The following STX10 variants were observed in gnomAD, a reference collection of about 807,000 sequenced individuals.
STX10 encodes the protein syntaxin-10.
Under a neutral mutation model 34.1 loss-of-function variants are expected in STX10, and 35 were observed. The ratio of observed to expected loss-of-function variants is 1.03; its 90% CI spans 0.78 to 1.36. The LOEUF is 1.36. Among genes scored for constraint, STX10 ranks in the 40% most tolerant of loss-of-function variants. STX10 has a pLI of 0.00. For missense variants in STX10, 361 were observed against 335.5 expected (o/e 1.08, Z -0.59); for synonymous variants, 155 against 132.9 (o/e 1.17, Z -1.15).
chr19:13,146,369 G>A (rs1388817774), intron 4 of STX10, among the ~76,000 whole-genome samples: 1 of 152,064 alleles, frequency 6.6e-6, no homozygotes, highest in Non-Finnish European at 1.5e-5. Context: ...ATTTTAGCTG[G>A]GATTACAGGC....
chr19:13,147,850 C>T (rs1472656200), intron 4 of STX10, among the ~76,000 whole-genome samples: 7 of 140,864 alleles, frequency 5.0e-5, no homozygotes, highest in African/African-American at 8.0e-5. Context: ...GCCGAGATCA[C>T]GTCACTGCAC....
intron 4 of STX10, among the ~76,000 whole-genome samples, chr19:13,148,291 G>T (rs2019953400): frequency 6.6e-6 from 1 of 151,662 alleles, no homozygotes; most frequent in Non-Finnish European, 1.5e-5. Flanking sequence ...ATCACCTGAG[G>T]TTGGGAGTTC....
chr19:13,146,569 C>T (rs1367087893), intron 4 of STX10, among the ~76,000 whole-genome samples: 1 of 151,876 alleles, frequency 6.6e-6, no homozygotes, highest in East Asian at 1.9e-4. Flanking sequence ...GAGACAGAGT[C>T]TTGCTCTGTC....
intron 5 of STX10, 68 bp downstream of exon 5, chr19:13,145,220 G>C: frequency 7.0e-7 from 1 of 1,433,456 alleles, no homozygotes; most frequent in Non-Finnish European, 9.6e-7. Flanking sequence ...CAACAAAAAG[G>C]GACCCCAGAC....
Position 13,144,495 on chromosome 19 carries a change from G to A in STX10, c.674-9C>T, listed in dbSNP as rs773460447. The A allele has an allele frequency of 8.7e-6, 14 of 1,613,576 alleles. No individual in the cohort carries two copies. The South Asian group carries it at 1.4e-4, about 16-fold the overall frequency. On this transcript the variant is annotated splice_polypyrimidine_tract_variant and intron_variant, in intron 7 of 7. Transcript: ENST00000587230. ...ACACCACTGTCGGCGGTCTGGGAAC[G>A]AGAAGGTCAGGGGTCACGGGGAGAG...
chr19:13,146,020 T>C (rs1291795055), intron 4 of STX10, among the ~76,000 whole-genome samples: 2 of 127,478 alleles, frequency 1.6e-5, no homozygotes, highest in African/African-American at 6.0e-5. Context: ...GTTAAGACCT[T>C]CTCTCAAAAA....
chr19:13,147,646 C>A (rs936372442), intron 4 of STX10, among the ~76,000 whole-genome samples: 2 of 151,364 alleles, frequency 1.3e-5, no homozygotes, highest in Non-Finnish European at 2.9e-5. Context: ...CACCTGTAAT[C>A]CCAGCACTTT....
At chr19:13,146,836 C>T (rs761249644) in intron 4 of STX10, among the ~76,000 whole-genome samples, 6 of 152,030 alleles carry the variant, frequency 3.9e-5, no homozygotes, top group Non-Finnish European at 7.4e-5. Context: ...CCACCGTGCC[C>T]GGCTCCAACA....
At chr19:13,146,437 G>A (rs1226368143) in intron 4 of STX10, among the ~76,000 whole-genome samples, 1 of 152,158 alleles carries the variant, frequency 6.6e-6, no homozygotes, top group African/African-American at 2.4e-5. Context: ...GTTTCCCCAT[G>A]TTGGCCAGGC....
At chr19:13,149,640 G>C (rs755928348) in intron 2 of STX10, 47 bp from the exon 3 acceptor site, 4 of 1,611,750 alleles carry the variant, frequency 2.5e-6, no homozygotes, top group Non-Finnish European at 3.4e-6. Flanking sequence ...TATCATCCCC[G>C]TCCCTAGGGG....
chr19:13,145,335 C>G lies in STX10; in HGVS notation c.424G>C (p.Val142Leu). The part of the protein sequence containing the change: ...SPSDLLDASA[V>L]SATSRYIEEQ... ...TCGATGTAGCGAGATGTGGCCGAGA[C>G]TGCGCTGGCATCCAGCAGGTCGCTG... Residue 142 changes from valine to leucine, a missense_variant, in exon 5 of 8, where the codon GTC (valine) becomes CTC (leucine). Val to Leu is a conservative substitution (Grantham distance 32). Transcript: ENST00000587230. The G allele has an allele frequency of 3.7e-6, 6 of 1,612,026 alleles. No homozygotes were observed. Among genetic ancestry groups the G allele is most frequent in the African/African-American group, 1.3e-5 (1 of 75,066 alleles).
rs766500249 is a variant in STX10 at position 13,144,884 on chromosome 19, G to T, written c.472-14C>A. On this transcript the variant is annotated splice_polypyrimidine_tract_variant and intron_variant, in intron 5 of 7. Transcript: ENST00000587230. ...ATCCATGATCAGCTGCAGAGCGAAG[G>T]GGTGGGAGATGCTGTTGAAAACGAC... The T allele has an allele frequency of 3.7e-6, 6 of 1,607,052 alleles. No individual in the cohort carries two copies. The highest frequency in any genetic ancestry group is 1.1e-5 in the South Asian group (1 of 89,890).
chr19:13,147,893 C>CAAAA (rs1159793123), intron 4 of STX10, among the ~76,000 whole-genome samples: 20 of 54,584 alleles, frequency 3.7e-4, no homozygotes, highest in Middle Eastern at 0.02. Flanking sequence ...CACTCCGTCT[C>CAAAA]AAAAAAAAAA....
At chr19:13,147,641 G>A (rs1248446345) in intron 4 of STX10, among the ~76,000 whole-genome samples, 1 of 151,956 alleles carries the variant, frequency 6.6e-6, no homozygotes, top group Non-Finnish European at 1.5e-5. Flanking sequence ...GCTCACACCT[G>A]TAATCCCAGC....
chr19:13,145,476 G>T (rs2019877646), intron 4 of STX10, 81 bp from the exon 5 acceptor site: 3 of 1,203,296 alleles, frequency 2.5e-6, no homozygotes, highest in Non-Finnish European at 3.6e-6. Context: ...ACGGTGGTAA[G>T]TCAGGGGGGC....
At chr19:13,147,456 C>A (rs1026581101) in intron 4 of STX10, among the ~76,000 whole-genome samples, 2 of 151,218 alleles carry the variant, frequency 1.3e-5, no homozygotes, top group Non-Finnish European at 2.9e-5. Flanking sequence ...CATGCCAAGA[C>A]TCCATCTCAA....
At chr19:13,146,206 A>T (rs925023004) in intron 4 of STX10, among the ~76,000 whole-genome samples, 4 of 151,630 alleles carry the variant, frequency 2.6e-5, no homozygotes, top group South Asian at 2.1e-4. Flanking sequence ...AAAAAAAAAA[A>T]AAATAAAATA....
rs764882321 is a variant in STX10 at position 13,149,895 on chromosome 19, T to C, written c.38A>G (p.Glu13Gly). 1.3e-5 allele frequency: 20 copies of C among 1,586,786 alleles called. No homozygotes were observed. The South Asian group carries it at 2.0e-4, about 16-fold the overall frequency. ...GGCCGTGTTCACCGCCTTCTGCACCTCGCTGCGGGCAGGGGCACGGCGGGC... is the reference window on the plus strand; with the variant it reads ...GGCCGTGTTCACCGCCTTCTGCACCCCGCTGCGGGCAGGGGCACGGCGGGC... ...LEDPFFVVRG[E>G]VQKAVNTARG... is the part of the protein sequence containing the mutation. The change falls in exon 2 of 8, where the codon GAG (glutamate) becomes GGG (glycine). Residue 13 changes from glutamate to glycine, a missense_variant and splice_region_variant. By Grantham distance (98) the Glu-to-Gly change is moderately conservative. Coordinates refer to ENST00000587230, the MANE Select transcript of STX10 (RefSeq NM_003765.3).
rs1418146095 is a variant in STX10 at position 13,144,371 on chromosome 19, C to G, written c.*39G>C. The G allele has an allele frequency of 6.3e-7, 1 of 1,589,384 alleles. No homozygotes were observed. Among genetic ancestry groups the G allele is most frequent in the African/African-American group, 1.3e-5 (1 of 74,754 alleles). On this transcript the variant is annotated 3_prime_UTR_variant, in exon 8 of 8. Coordinates refer to ENST00000587230, the MANE Select transcript of STX10 (RefSeq NM_003765.3). ...CCAGCTCCAAAGTGCTTGGTGGCTC[C>G]CCAGGCTTAAGGGACCAGCCTGCCA...
Sources: gnomAD v4.1 joint callset for allele counts (sites outside exome capture counted in the v4.1 genomes callset) on GRCh38, gnomAD v4.1.1 for gene constraint, MANE v1.5 for transcripts, NCBI Gene and HGNC (gene_info 2026-07-23, HGNC 2026-07-21) for gene names.